Variants in DNM3 observed in about 807,000 individuals in gnomAD.
DNM3 encodes dynamin 3, also known as dynamin-3.
In DNM3, 47 loss-of-function variants were observed where a neutral mutation model predicts 101.6. The ratio of observed to expected loss-of-function variants is 0.46; its 90% confidence interval spans 0.37 to 0.59. The LOEUF (loss-of-function observed/expected upper bound fraction) is 0.59, where lower values mean the gene tolerates loss of function less well. Ranked by LOEUF, DNM3 falls within the 20% of genes least tolerant of loss-of-function variation. The pLI is 0.00. For missense variants in DNM3, 849 were observed against 1,085.7 expected, an observed-to-expected ratio of 0.78 and a Z score of 3.06; for synonymous variants, 385 against 387.9, an observed-to-expected ratio of 0.99 and a Z score of 0.09.
At chr1:172,151,415 A>G (rs1213952511) in intron 14 of DNM3, among the ~76,000 whole-genome samples, 3 of 152,200 alleles carry the variant, frequency 2.0e-5, no homozygotes, top group Non-Finnish European at 4.4e-5. Flanking sequence ...TTTTAAAACT[A>G]CACACACATT....
chr1:172,329,637 T>C (rs2066097391), intron 17 of DNM3, among the ~76,000 whole-genome samples: 1 of 152,086 alleles, frequency 6.6e-6, no homozygotes, highest in South Asian at 2.1e-4. Flanking sequence ...TTTAAAGCTT[T>C]CGTATGAGAC....
intron 15 of DNM3, among the ~76,000 whole-genome samples, chr1:172,259,779 A>G (rs2062565867): frequency 6.6e-6 from 1 of 151,952 alleles, no homozygotes; most frequent in South Asian, 2.1e-4. Flanking sequence ...TTATCATTTT[A>G]TTACTTGATT....
chr1:171,959,612 C>G (rs775781347), intron 2 of DNM3, among the ~76,000 whole-genome samples: 5 of 152,020 alleles, frequency 3.3e-5, no homozygotes, highest in African/African-American at 4.8e-5. Flanking sequence ...AAAACAACAA[C>G]AACAAAAGTG....
chr1:172,399,603 C>A (rs1573749481), intron 20 of DNM3, among the ~76,000 whole-genome samples: 2 of 152,116 alleles, frequency 1.3e-5, no homozygotes, highest in East Asian at 1.9e-4. Context: ...ACTGACATGG[C>A]AGCCTGCAAA....
At chr1:172,365,066 C>T (rs550756176) in intron 17 of DNM3, among the ~76,000 whole-genome samples, 1 of 151,984 alleles carries the variant, frequency 6.6e-6, no homozygotes, top group Admixed American at 6.6e-5. Flanking sequence ...AGTATATGGA[C>T]TTATTTCGAT....
At chr1:172,079,846 T>G (rs985261131) in intron 11 of DNM3, among the ~76,000 whole-genome samples, 1 of 152,204 alleles carries the variant, frequency 6.6e-6, no homozygotes, top group Non-Finnish European at 1.5e-5. Context: ...TGTTCCTTTC[T>G]GTTTGTTAGT....
At chr1:171,842,263 C>T (rs1441259006) in intron 1 of DNM3, among the ~76,000 whole-genome samples, 1 of 152,168 alleles carries the variant, frequency 6.6e-6, no homozygotes, top group South Asian at 2.1e-4. Context: ...GTGAGGCTCC[C>T]TGTGAGGCTG....
intron 14 of DNM3, among the ~76,000 whole-genome samples, chr1:172,174,872 C>T (rs553218797): frequency 1.9e-4 from 29 of 151,788 alleles, no homozygotes; most frequent in Non-Finnish European, 4.1e-4. Context: ...AATAAGATAT[C>T]ACAAAATGGT....
rs752990905 is a variant in DNM3 at position 171,847,896 on chromosome 1, C to CTGTGTGTGTGTGTG, written c.161+6102_161+6115dup. On this transcript the variant is annotated intron_variant, in intron 1 of 20. Coordinates refer to ENST00000627582, the MANE Select transcript of DNM3 (RefSeq NM_015569.5). ...TATTAATTACTCTCTCTCTCTCTCT[C>CTGTGTGTGTGTGTG]TGTGTGTGTGTGTGTGTGTGTGTGT... Among the ~76,000 whole-genome samples the CTGTGTGTGTGTGTG allele has an allele frequency of 1.4e-3, 192 of 141,236 alleles. 2 individuals carry two copies. The highest frequency in any genetic ancestry group is 3.4e-3 in the South Asian group (14 of 4,122). The allele number at this position is 141,236 out of a possible 152,430, so 92.7% of individuals were successfully genotyped here.
At chr1:171,958,307 G>T (rs924795451) in intron 2 of DNM3, among the ~76,000 whole-genome samples, 1 of 152,190 alleles carries the variant, frequency 6.6e-6, no homozygotes, top group East Asian at 1.9e-4. Context: ...TTCAAGATGA[G>T]ATTTGGGTGG....
At chr1:171,870,582 G>A (rs2035180469) in intron 1 of DNM3, among the ~76,000 whole-genome samples, 1 of 152,138 alleles carries the variant, frequency 6.6e-6, no homozygotes, top group Non-Finnish European at 1.5e-5. Context: ...GTGAGGAATT[G>A]ATCTTCAGTA....
chr1:172,333,545 C>T (rs2066284057), intron 17 of DNM3, among the ~76,000 whole-genome samples: 1 of 152,164 alleles, frequency 6.6e-6, no homozygotes. Flanking sequence ...AGAACTAGCA[C>T]ATTTTAACTT....
intron 1 of DNM3, among the ~76,000 whole-genome samples, chr1:171,877,805 A>G (rs1389813062): frequency 6.6e-6 from 1 of 152,290 alleles, no homozygotes; most frequent in East Asian, 1.9e-4. Flanking sequence ...ACCTTTGGCT[A>G]TTACACTGAA....
chr1:172,367,108 G>GTGTT (rs553000271), intron 17 of DNM3, among the ~76,000 whole-genome samples: 235 of 151,794 alleles, frequency 1.5e-3, no homozygotes, highest in African/African-American at 5.5e-3. Context: ...CAAGAGAAAA[G>GTGTT]TGTTAAGTCA....
chr1:172,186,659 G>C (rs1036416474), intron 14 of DNM3, among the ~76,000 whole-genome samples: 1 of 152,030 alleles, frequency 6.6e-6, no homozygotes, highest in African/African-American at 2.4e-5. Flanking sequence ...TCTATTGATG[G>C]TCAGCCCCCT....
intron 2 of DNM3, among the ~76,000 whole-genome samples, chr1:171,977,716 A>G (rs1012962740): frequency 2.6e-5 from 4 of 151,972 alleles, no homozygotes; most frequent in East Asian, 1.9e-4. Context: ...TTTTCCTTCT[A>G]TCTCTTTGTT....
intron 13 of DNM3, among the ~76,000 whole-genome samples, chr1:172,093,538 T>G (rs944532936): frequency 1.3e-5 from 2 of 152,218 alleles, no homozygotes; most frequent in African/African-American, 4.8e-5. Context: ...GATGGTGTTA[T>G]AGTTTTTAAA....
intron 1 of DNM3, among the ~76,000 whole-genome samples, chr1:171,894,349 G>A (rs559530139): frequency 6.7e-4 from 102 of 152,078 alleles, no homozygotes; most frequent in Non-Finnish European, 7.8e-4. Flanking sequence ...CTGGAAAACC[G>A]GAAAGCTCTG....
At chr1:171,898,028 T>A (rs2037967691) in intron 1 of DNM3, among the ~76,000 whole-genome samples, 1 of 152,128 alleles carries the variant, frequency 6.6e-6, no homozygotes, top group African/African-American at 2.4e-5. Context: ...GATTTTCCTA[T>A]TCAGGATATG....
Sources: gnomAD v4.1 joint callset for allele counts (sites outside exome capture counted in the v4.1 genomes callset) on GRCh38, gnomAD v4.1.1 for gene constraint, MANE v1.5 for transcripts, NCBI Gene and HGNC (gene_info 2026-07-23, HGNC 2026-07-21) for gene names.